BRIP1: variants seen among roughly 807,000 people sequenced by gnomAD.
The protein encoded by BRIP1 is Fanconi anemia group J protein.
Under a neutral mutation model 119.7 loss-of-function variants are expected in BRIP1, and 88 were observed. The observed-to-expected ratio is 0.74, with a 90% CI of 0.62 to 0.88. BRIP1 has a LOEUF of 0.88. Ranked by LOEUF, BRIP1 falls within the 40% of genes least tolerant of loss-of-function variation. The pLI, the probability that BRIP1 is intolerant of heterozygous loss-of-function variation, is 0.00. For synonymous variants in BRIP1, 443 were observed against 496.5 expected (o/e 0.89, Z 1.43); for missense variants, 1,259 against 1,455.4 (o/e 0.87, Z 2.20).
rs1603275027 is a variant in BRIP1, at chr17:61,683,588, T to A, written c.3458A>T (p.Asp1153Val). 1 of 1,612,458 alleles carries A rather than the reference T, an allele frequency of 6.2e-7. No homozygotes were observed. The change falls in exon 20 of 20, where the codon GAT becomes GTT. Residue 1153 changes from aspartate (D) to valine (V), a missense_variant. Around this residue, in one of 3 missense-constraint regions of BRIP1, gnomAD observed 753 missense variants for 891.8 expected, o/e 0.84. Transcript: ENST00000259008. The surrounding 1 kb of genome is among the most constrained non-coding windows in gnomAD (Gnocchi z 4.7). ...DEEKNDLAETDRGNRLANNSD... is the reference protein window; with the variant it reads ...DEEKNDLAETVRGNRLANNSD... Reference sequence around the variant, plus strand: ...ATTGTTAGCCAATCTATTTCCTCTATCAGTTTCAGCTAGGTCATTTTTTTC... The same window carrying A: ...ATTGTTAGCCAATCTATTTCCTCTAACAGTTTCAGCTAGGTCATTTTTTTC...
chr17:61,742,874 T>C lies in BRIP1; in HGVS notation c.2379+139A>G. On this transcript the variant is annotated intron_variant, in intron 16 of 19. Coordinates refer to ENST00000259008, the MANE Select transcript of BRIP1 (RefSeq NM_032043.3). The surrounding 1 kb of genome is among the most constrained non-coding windows in gnomAD (Gnocchi z 4.7). ...AAATGGTGCTGAAAGACTTGCACAA[T>C]GCAGGGTTACCATAAACCTTCAATT... is the stretch of plus-strand genomic sequence containing the variant. 4 of 1,074,904 alleles carry C rather than the reference T, an allele frequency of 3.7e-6. No homozygotes were observed. The highest frequency in any genetic ancestry group is 5.5e-6 in the Non-Finnish European group (4 of 721,538). The allele number at this position is 1,074,904 out of a possible 1,614,324, so 66.6% of individuals were successfully genotyped here.
At position 61,736,503 on chromosome 17, in the gene BRIP1, C is replaced by T. The variant is rs1015002596; in HGVS notation, c.2379+6510G>A. On this transcript the variant is annotated intron_variant, in intron 16 of 19. Transcript: ENST00000259008. This position sits in a 1 kb window ranked among gnomAD's most constrained non-coding sequence, Gnocchi z 4.4. The stretch of plus-strand genomic sequence containing the variant: ...ATCCTCTAATGATTTACTACTATAA[C>T]TACCCTGTATTGCCTCCTTATGAGT... Among the ~76,000 whole-genome samples, 1 of 152,136 alleles carries T rather than the reference C, an allele frequency of 6.6e-6. No individual in the cohort carries two copies. The highest frequency in any genetic ancestry group is 1.5e-5 in the Non-Finnish European group (1 of 68,018).
At position 61,722,233 on chromosome 17, in the gene BRIP1, G is replaced by T. The variant is rs1350661536; in HGVS notation, c.2380-6170C>A. 6.6e-6 allele frequency among the ~76,000 whole-genome samples: 1 copy of T among 151,894 alleles called. No homozygotes were observed. The highest frequency in any genetic ancestry group is 1.5e-5 in the Non-Finnish European group (1 of 67,990). ...TTCTTTTGTATTTTTAGTAGAGAGG[G>T]GGGTTTCACTGTGTTAGCCAGGTGA... On this transcript the variant is annotated intron_variant, in intron 16 of 19. Coordinates refer to ENST00000259008, the MANE Select transcript of BRIP1 (RefSeq NM_032043.3). This position sits in a 1 kb window ranked among gnomAD's most constrained non-coding sequence, Gnocchi z 4.6.
chr17:61,715,141 A>T (rs2061840346), intron 17 of BRIP1, among the ~76,000 whole-genome samples: 1 of 150,038 alleles, frequency 6.7e-6, no homozygotes, highest in Non-Finnish European at 1.5e-5. Context: ...TGGAGGATGC[A>T]GTGAGCCGAT....
intron 10 of BRIP1, among the ~76,000 whole-genome samples, chr17:61,788,614 C>G (rs1241701763): frequency 2.6e-5 from 4 of 152,190 alleles, no homozygotes; most frequent in African/African-American, 7.2e-5. Flanking sequence ...ATTAGAGAAA[C>G]AGAATGGTGG....
chr17:61,741,590 T>C (rs1035098747), intron 16 of BRIP1, among the ~76,000 whole-genome samples: 9 of 152,244 alleles, frequency 5.9e-5, no homozygotes, highest in Admixed American at 1.3e-4. Flanking sequence ...TTAGCAAGCA[T>C]GAAAACAACA....
Position 61,683,234 on chromosome 17 carries a change from T to A in BRIP1, c.*62A>T, listed in dbSNP as rs1466954251. On this transcript the variant is annotated 3_prime_UTR_variant, in exon 20 of 20. Transcript: ENST00000259008. The surrounding 1 kb of genome is among the most constrained non-coding windows in gnomAD (Gnocchi z 4.7). Reference sequence around the variant, plus strand: ...CTTATTCAATTTACAAATTATTACTTACAACAGAGTTTAACATAAGCATGA... The same window carrying A: ...CTTATTCAATTTACAAATTATTACTAACAACAGAGTTTAACATAAGCATGA... The A allele has an allele frequency of 6.6e-6, 10 of 1,509,488 alleles. No individual in the cohort carries two copies. The highest frequency in any genetic ancestry group is 2.1e-4 in the Middle Eastern group (1 of 4,802). The allele number at this position is 1,509,488 out of a possible 1,614,324, so 93.5% of individuals were successfully genotyped here. A position where few individuals can be genotyped will look rare whatever the true frequency, so the allele number is the denominator to read the frequency against.
In BRIP1 at chr17:61,794,519, A is replaced by G. The variant is rs1409699675; in HGVS notation, c.1341-790T>C. ...CATGGACAAGAGGGGAACAGCACAT[A>G]CTGGGGCCTATCGGATGGTGTAGCG... On this transcript the variant is annotated intron_variant, in intron 9 of 19. Transcript: ENST00000259008. This position sits in a 1 kb window ranked among gnomAD's most constrained non-coding sequence, Gnocchi z 4.3. 6.6e-6 allele frequency among the ~76,000 whole-genome samples: 1 copy of G among 152,016 alleles called. No homozygotes were observed. The highest frequency in any genetic ancestry group is 1.5e-5 in the Non-Finnish European group (1 of 67,986).
Position 61,809,775 on chromosome 17 carries a change from T to G in BRIP1, c.628-1018A>C, listed in dbSNP as rs1048940749. 6.6e-5 allele frequency among the ~76,000 whole-genome samples: 10 copies of G among 152,158 alleles called. No individual in the cohort carries two copies. The highest frequency in any genetic ancestry group is 1.3e-4 in the Non-Finnish European group (9 of 68,008). ...TAGCATTGTAACTTAAAAGACTGTG[T>G]GCTAAAGAGTTTTAATTTAGTAGAA... is the stretch of plus-strand genomic sequence containing the variant. On this transcript the variant is annotated intron_variant, in intron 6 of 19. Transcript: ENST00000259008. This position sits in a 1 kb window ranked among gnomAD's most constrained non-coding sequence, Gnocchi z 5.2.
rs191503861 is a variant in BRIP1, at chr17:61,860,589, G to A, written c.94-682C>T. On this transcript the variant is annotated intron_variant, in intron 2 of 19. Coordinates refer to ENST00000259008, the MANE Select transcript of BRIP1 (RefSeq NM_032043.3). This position sits in a 1 kb window ranked among gnomAD's most constrained non-coding sequence, Gnocchi z 4.1. ...GCAGGAGAATAGCTTCAGCCTGGGA[G>A]GCAGGGGTTGCAGTGAGCCAAGATC... Among the ~76,000 whole-genome samples the A allele has an allele frequency of 1.4e-4, 22 of 152,338 alleles. No homozygotes were observed. The highest frequency in any genetic ancestry group is 1.4e-3 in the Admixed American group (21 of 15,294).
chr17:61,859,959 T>A (rs2078952783), intron 2 of BRIP1, 52 bp from the exon 3 acceptor site: 1 of 1,235,212 alleles, frequency 8.1e-7, no homozygotes, highest in Non-Finnish European at 1.2e-6. Flanking sequence ...TTTATAAAGG[T>A]CTCTCTCCAT....
chr17:61,767,763 C>G lies in BRIP1; in HGVS notation c.2097+8638G>C, dbSNP rs1211355326. Among the ~76,000 whole-genome samples the G allele has an allele frequency of 1.3e-5, 2 of 152,106 alleles. No homozygotes were observed. Among genetic ancestry groups the G allele is most frequent in the African/African-American group, 4.8e-5 (2 of 41,434 alleles). On this transcript the variant is annotated intron_variant, in intron 14 of 19. Transcript: ENST00000259008. This position sits in a 1 kb window ranked among gnomAD's most constrained non-coding sequence, Gnocchi z 5.7. The stretch of plus-strand genomic sequence containing the variant: ...ATGTTTCTTTTATGAAACTCTGCAA[C>G]CAGTCTTTACATTACATTTTCACAC...
Position 61,767,754 on chromosome 17 carries a change from ACT to A in BRIP1, c.2097+8645_2097+8646del, listed in dbSNP as rs1315582000. Reference sequence around the variant, plus strand: ...CCTTATCCTATGTTTCTTTTATGAAACTCTGCAACCAGTCTTTACATTACATT... The same window carrying A: ...CCTTATCCTATGTTTCTTTTATGAAACTGCAACCAGTCTTTACATTACATT... On this transcript the variant is annotated intron_variant, in intron 14 of 19. Coordinates refer to ENST00000259008, the MANE Select transcript of BRIP1 (RefSeq NM_032043.3). The surrounding 1 kb of genome is among the most constrained non-coding windows in gnomAD (Gnocchi z 5.7). Among the ~76,000 whole-genome samples the A allele has an allele frequency of 6.6e-6, 1 of 151,778 alleles. No homozygotes were observed. The highest frequency in any genetic ancestry group is 1.5e-5 in the Non-Finnish European group (1 of 67,942).
At position 61,704,736 on chromosome 17, in the gene BRIP1, T is replaced by A. The variant is rs2378882; in HGVS notation, c.2492+11215A>T. Among the ~76,000 whole-genome samples, 5,040 of 152,258 alleles carry A rather than the reference T, an allele frequency of 0.033. 322 individuals carry two copies. The highest frequency in any genetic ancestry group is 0.12 in the African/African-American group (4,784 of 41,536). ...GAATTAATCTACTTCATCTAAGTTATCAAATGTATATGTATAGAGTTTTTC... is the reference window on the plus strand; with the variant it reads ...GAATTAATCTACTTCATCTAAGTTAACAAATGTATATGTATAGAGTTTTTC... On this transcript the variant is annotated intron_variant, in intron 17 of 19. Coordinates refer to ENST00000259008, the MANE Select transcript of BRIP1 (RefSeq NM_032043.3). This position sits in a 1 kb window ranked among gnomAD's most constrained non-coding sequence, Gnocchi z 5.7.
intron 6 of BRIP1, among the ~76,000 whole-genome samples, chr17:61,833,315 T>A (rs951323990): frequency 6.6e-6 from 1 of 152,212 alleles, no homozygotes; most frequent in African/African-American, 2.4e-5. Context: ...GATTTGAAAC[T>A]TTTGAGAATT....
chr17:61,838,974 C>G (rs146680958), intron 6 of BRIP1, among the ~76,000 whole-genome samples: 169 of 152,054 alleles, frequency 1.1e-3, no homozygotes, highest in African/African-American at 3.7e-3. Context: ...CCACCTATCC[C>G]AAAATCTACA....
At chr17:61,727,828 G>T (rs2076788843) in intron 16 of BRIP1, among the ~76,000 whole-genome samples, 1 of 150,876 alleles carries the variant, frequency 6.6e-6, no homozygotes, top group Non-Finnish European at 1.5e-5. Context: ...ATGAGCAAAG[G>T]TTTGATTTTT....
In BRIP1 at chr17:61,720,420, ACTT is replaced by A. The variant is rs1358431418; in HGVS notation, c.2380-4360_2380-4358del. Among the ~76,000 whole-genome samples the A allele has an allele frequency of 6.6e-6, 1 of 152,218 alleles. No individual in the cohort carries two copies. The highest frequency in any genetic ancestry group is 1.5e-5 in the Non-Finnish European group (1 of 68,038). On this transcript the variant is annotated intron_variant, in intron 16 of 19. Coordinates refer to ENST00000259008, the MANE Select transcript of BRIP1 (RefSeq NM_032043.3). This position sits in a 1 kb window ranked among gnomAD's most constrained non-coding sequence, Gnocchi z 4.3. Reference sequence around the variant, plus strand: ...AACTAAAAAATAAAATAAAGAGTAAACTTCTTGGAAACATTTTAGGCTTTCAAG... The same window carrying A: ...AACTAAAAAATAAAATAAAGAGTAAACTTGGAAACATTTTAGGCTTTCAAG...
In BRIP1 at chr17:61,789,390, C is replaced by T. The variant is rs1047410252; in HGVS notation, c.1473+4207G>A. Among the ~76,000 whole-genome samples, 1 of 151,880 alleles carries T rather than the reference C, an allele frequency of 6.6e-6. No individual in the cohort carries two copies. Among genetic ancestry groups the T allele is most frequent in the Non-Finnish European group, 1.5e-5 (1 of 67,978 alleles). ...CACTATTTAGGAAACAGTGCTGGGA[C>T]AATTCTCTATCCATACAGGAAAAAA... On this transcript the variant is annotated intron_variant, in intron 10 of 19. Transcript: ENST00000259008. The surrounding 1 kb of genome is among the most constrained non-coding windows in gnomAD (Gnocchi z 4.8).
Sources: gnomAD v4.1 joint callset for allele counts (sites outside exome capture counted in the v4.1 genomes callset) on GRCh38, gnomAD v4.1.1 for gene constraint, gnomAD v4.1.1 regional missense constraint, Gnocchi (gnomAD v3.1) non-coding constraint, MANE v1.5 for transcripts, NCBI Gene and HGNC (gene_info 2026-07-23, HGNC 2026-07-21) for gene names.